FAM168A: variants seen among roughly 807,000 people sequenced by gnomAD.
FAM168A encodes protein FAM168A.
In FAM168A, 3 loss-of-function variants were observed where a neutral mutation model predicts 28.5. That is an observed-to-expected ratio of 0.11 (90% CI 0.05 to 0.27). The LOEUF (loss-of-function observed/expected upper bound fraction) is 0.27. Ranked by LOEUF, FAM168A falls within the 10% of genes least tolerant of loss-of-function variation. FAM168A has a pLI of 1.00. For synonymous variants in FAM168A, 122 were observed against 124.2 expected (o/e 0.98, Z 0.12); for missense variants, 222 against 311.5 (o/e 0.71, Z 2.16).
At chr11:73,525,926 G>C (rs1943440726) in intron 1 of FAM168A, among the ~76,000 whole-genome samples, 1 of 152,112 alleles carries the variant, frequency 6.6e-6, no homozygotes, top group South Asian at 2.1e-4. Flanking sequence ...TTCTTGAAAG[G>C]ACAAAAGACA....
Position 73,404,199 on chromosome 11 carries a change from CTCT to C in FAM168A, c.*2561_*2563del, listed in dbSNP as rs768292810. On this transcript the variant is annotated 3_prime_UTR_variant, in exon 8 of 8. Transcript: ENST00000356467. Reference sequence around the variant, plus strand: ...AGTTACAAGGTCATTCCTAGGTCTCCTCTTCTTCCTTTCTCCTCTCTGTGGTTC... The same window carrying C: ...AGTTACAAGGTCATTCCTAGGTCTCCTCTTCCTTTCTCCTCTCTGTGGTTC... 1.4e-4 allele frequency: 21 copies of C among 152,368 alleles called. No homozygotes were observed. In the East Asian group the frequency reaches 3.9e-3, roughly 28 times the overall value. The allele number at this position is 152,368 out of a possible 1,614,324, so 9.4% of individuals were successfully genotyped here.
chr11:73,508,117 G>T (rs999303462), intron 1 of FAM168A, among the ~76,000 whole-genome samples: 2 of 152,146 alleles, frequency 1.3e-5, no homozygotes, highest in Non-Finnish European at 2.9e-5. Context: ...TACAGCTGAT[G>T]TAAGAGTTAA....
chr11:73,496,665 A>T (rs964894286), intron 1 of FAM168A, among the ~76,000 whole-genome samples: 1 of 152,124 alleles, frequency 6.6e-6, no homozygotes, highest in African/African-American at 2.4e-5. Context: ...CGTTCACGCC[A>T]TTCTCCTGCC....
chr11:73,467,274 A>G (rs1017059333), intron 2 of FAM168A, among the ~76,000 whole-genome samples: 1 of 151,548 alleles, frequency 6.6e-6, no homozygotes, highest in Non-Finnish European at 1.5e-5. Flanking sequence ...TATGAAATGG[A>G]TAATATTTTG....
At chr11:73,548,419 T>C (rs1044666256) in intron 1 of FAM168A, among the ~76,000 whole-genome samples, 2 of 152,174 alleles carry the variant, frequency 1.3e-5, no homozygotes, top group African/African-American at 4.8e-5. Flanking sequence ...CTTTTATAAA[T>C]GACAAGGCTC....
At chr11:73,506,369 A>C in intron 1 of FAM168A, among the ~76,000 whole-genome samples, 1 of 152,060 alleles carries the variant, frequency 6.6e-6, no homozygotes. Context: ...ATCAGTTAGC[A>C]CATGGTACTT....
At chr11:73,471,450 T>C (rs549818438) in intron 1 of FAM168A, among the ~76,000 whole-genome samples, 35 of 152,354 alleles carry the variant, frequency 2.3e-4, no homozygotes, top group African/African-American at 7.9e-4. Context: ...TATGAGCCCC[T>C]GAAAAACGTA....
intron 1 of FAM168A, among the ~76,000 whole-genome samples, chr11:73,556,327 T>C (rs928777785): frequency 4.6e-5 from 7 of 151,308 alleles, no homozygotes; most frequent in Non-Finnish European, 8.8e-5. Flanking sequence ...CCCTCCTGGA[T>C]GACAAAGTGA....
chr11:73,432,567 T>C (rs1867013739), intron 2 of FAM168A, among the ~76,000 whole-genome samples: 1 of 152,152 alleles, frequency 6.6e-6, no homozygotes, highest in Non-Finnish European at 1.5e-5. Context: ...TTATTGGCTA[T>C]CTGTATATCC....
At chr11:73,532,539 A>G (rs1033013686) in intron 1 of FAM168A, among the ~76,000 whole-genome samples, 4 of 152,232 alleles carry the variant, frequency 2.6e-5, no homozygotes, top group African/African-American at 7.2e-5. Flanking sequence ...GTGCCAAACC[A>G]GCAATGCAAC....
intron 1 of FAM168A, among the ~76,000 whole-genome samples, chr11:73,575,159 G>A (rs529483497): frequency 1.3e-5 from 2 of 152,324 alleles, no homozygotes; most frequent in African/African-American, 4.8e-5. Flanking sequence ...ACCCAAGTCT[G>A]AGGCTATTTC....
At chr11:73,581,865 T>A (rs1323438174) in intron 1 of FAM168A, among the ~76,000 whole-genome samples, 1 of 152,180 alleles carries the variant, frequency 6.6e-6, no homozygotes, top group East Asian at 1.9e-4. Flanking sequence ...ACTACAGGCA[T>A]GCGCCACCAT....
At chr11:73,540,585 C>T (rs901673188) in intron 1 of FAM168A, among the ~76,000 whole-genome samples, 2 of 152,184 alleles carry the variant, frequency 1.3e-5, no homozygotes, top group African/African-American at 4.8e-5. Flanking sequence ...GATCTTTCTA[C>T]TTGCTGTTTC....
chr11:73,518,970 AGT>A (rs1237594552), intron 1 of FAM168A, among the ~76,000 whole-genome samples: 1 of 152,116 alleles, frequency 6.6e-6, no homozygotes, highest in Non-Finnish European at 1.5e-5. Context: ...TTCTGCCATG[AGT>A]GGAAGCAGCC....
At chr11:73,546,992 A>C (rs1237984971) in intron 1 of FAM168A, among the ~76,000 whole-genome samples, 1 of 151,878 alleles carries the variant, frequency 6.6e-6, no homozygotes, top group Non-Finnish European at 1.5e-5. Flanking sequence ...TCTCCAAAGA[A>C]GATATACAAA....
intron 1 of FAM168A, among the ~76,000 whole-genome samples, chr11:73,514,307 A>AT (rs1458938638): frequency 2.6e-5 from 4 of 152,236 alleles, no homozygotes; most frequent in Non-Finnish European, 5.9e-5. Context: ...TAAATGAAAT[A>AT]TATAAACGCA....
At chr11:73,551,309 T>C (rs1359523472) in intron 1 of FAM168A, among the ~76,000 whole-genome samples, 1 of 152,168 alleles carries the variant, frequency 6.6e-6, no homozygotes, top group Non-Finnish European at 1.5e-5. Flanking sequence ...ACAGATTTGG[T>C]GGAGGTGAGA....
chr11:73,500,826 T>C (rs1854995953), intron 1 of FAM168A, among the ~76,000 whole-genome samples: 1 of 152,080 alleles, frequency 6.6e-6, no homozygotes, highest in Non-Finnish European at 1.5e-5. Flanking sequence ...AGGATCAAAT[T>C]CACACATAAC....
chr11:73,433,076 C>CTTTTTTTTTT lies in FAM168A; in HGVS notation c.71-2316_71-2307dup, dbSNP rs34994742. Among the ~76,000 whole-genome samples the CTTTTTTTTTT allele has an allele frequency of 4.0e-3, 321 of 80,602 alleles. 31 individuals carry two copies. Among genetic ancestry groups the CTTTTTTTTTT allele is most frequent in the African/African-American group, 0.02 (289 of 14,702 alleles). The allele number at this position is 80,602 out of a possible 152,430, so 52.9% of individuals were successfully genotyped here. ...ACAGGTGCGTGCCACCACGCCCCGC[C>CTTTTTTTTTT]TTTTTTTTTTTTTTTTTTTTTTTTT... On this transcript the variant is annotated intron_variant, in intron 2 of 7. Coordinates refer to ENST00000356467, the MANE Select transcript of FAM168A (RefSeq NM_015159.3).
Sources: allele counts gnomAD v4.1 joint callset (sites outside exome capture counted in the v4.1 genomes callset), GRCh38; gene constraint gnomAD v4.1.1; transcripts MANE v1.5; gene names NCBI Gene and HGNC (gene_info 2026-07-23, HGNC 2026-07-21).